The following NUDT9 variants were observed in gnomAD, a reference collection of about 807,000 sequenced individuals.
The protein encoded by NUDT9 is ADP-ribose pyrophosphatase.
A neutral mutation model predicts 41.0 loss-of-function variants in NUDT9; 31 were observed. That is an observed-to-expected ratio of 0.76 (90% CI 0.57 to 1.02). The LOEUF (loss-of-function observed/expected upper bound fraction) is 1.02, where lower values mean the gene tolerates loss of function less well. Ranked by LOEUF, NUDT9 falls within the 50% of genes least tolerant of loss-of-function variation. The pLI is 0.00. For missense variants in NUDT9, 380 were observed against 431.4 expected (o/e 0.88, Z 1.06); for synonymous variants, 146 against 147.6 (o/e 0.99, Z 0.08).
At chr4:87,442,095 C>T (rs1238953470) in intron 4 of NUDT9, among the ~76,000 whole-genome samples, 180 bp downstream of exon 4, 4 of 152,054 alleles carry the variant, frequency 2.6e-5, no homozygotes, top group Admixed American at 2.0e-4. Context: ...CTGAGAAATG[C>T]ATTATTAGGT....
intron 7 of NUDT9, among the ~76,000 whole-genome samples, chr4:87,456,215 T>C (rs1340893586): frequency 2.0e-5 from 3 of 152,128 alleles, no homozygotes; most frequent in African/African-American, 4.8e-5. Flanking sequence ...TTGATAGATA[T>C]GGTGGTAAAT....
chr4:87,447,739 A>G (rs964510092), intron 4 of NUDT9, among the ~76,000 whole-genome samples: 1 of 152,226 alleles, frequency 6.6e-6, no homozygotes, highest in Non-Finnish European at 1.5e-5. Flanking sequence ...ATCAGAGGGC[A>G]TAAAGATTGA....
In NUDT9 at chr4:87,441,927, T is replaced by TA; in HGVS notation, c.530+17dup. On this transcript the variant is annotated intron_variant, in intron 4 of 7. Transcript: ENST00000302174. ...CCCATTATAACCAGGTAAGAACCAA[T>TA]AAAAAGCATATCAGTAGCAAAGAGC... 6.3e-7 allele frequency: 1 copy of TA among 1,576,964 alleles called. No individual in the cohort carries two copies. Among genetic ancestry groups the TA allele is most frequent in the Non-Finnish European group, 8.6e-7 (1 of 1,162,294 alleles).
chr4:87,422,932 T>A lies in NUDT9; in HGVS notation c.27T>A (p.Ala9=). The stretch of plus-strand genomic sequence containing the variant: ...TGGCGGGACGCCTCCTGGGAAAGGC[T>A]TTAGCCGCGGTGTCTCTCTCTCTGG... The part of the protein sequence containing the change: MAGRLLGK[A]LAAVSLSLAL... The change falls in exon 1 of 8, where the codon GCT becomes GCA. Residue 9 remains alanine (A), a synonymous_variant. Transcript: ENST00000302174. 1 of 1,612,256 alleles carries A rather than the reference T, an allele frequency of 6.2e-7. No individual in the cohort carries two copies.
In NUDT9 at chr4:87,449,372, T is replaced by G. The variant is rs956594060; in HGVS notation, c.642+119T>G. 12 of 629,592 alleles carry G rather than the reference T, an allele frequency of 1.9e-5. No homozygotes were observed. In the African/African-American group the frequency reaches 2.0e-4, roughly 11 times the overall value. The allele number at this position is 629,592 out of a possible 1,614,324, so 39.0% of individuals were successfully genotyped here. A position where few individuals can be genotyped will look rare whatever the true frequency, so the allele number is the denominator to read the frequency against. The stretch of plus-strand genomic sequence containing the variant: ...CTCTATTCCTTCCCACTTCATTTAG[T>G]AATTCTTATGTTTTTCATCCCTGCA... On this transcript the variant is annotated intron_variant, in intron 5 of 7. Transcript: ENST00000302174.
chr4:87,451,646 G>T lies in NUDT9; in HGVS notation c.700G>T (p.Glu234Ter). The change falls in exon 6 of 8, where the codon GAA becomes TAA. Residue 234 changes from glutamate (E) to a stop codon, truncating the protein, a stop_gained. Coordinates refer to ENST00000302174, the MANE Select transcript of NUDT9 (RefSeq NM_024047.5). LOFTEE classifies it high-confidence loss of function. ...CACACTGAAAAGAGAATTTGGTGAG[G>T]AAGCTCTCAACTCCTTACAGAAAAC... ...SATLKREFGE[E>*]ALNSLQKTSA... is the part of the protein sequence containing the mutation. 1 of 1,613,708 alleles carries T rather than the reference G, an allele frequency of 6.2e-7. No individual in the cohort carries two copies. Among genetic ancestry groups the T allele is most frequent in the Non-Finnish European group, 8.5e-7 (1 of 1,179,668 alleles).
intron 1 of NUDT9, among the ~76,000 whole-genome samples, chr4:87,424,931 T>G (rs539228762): frequency 1.3e-5 from 2 of 152,314 alleles, no homozygotes; most frequent in South Asian, 4.1e-4. Context: ...TTAACAAATG[T>G]GCCAAGTACC....
intron 6 of NUDT9, among the ~76,000 whole-genome samples, chr4:87,453,530 T>C (rs1203894968): frequency 1.3e-5 from 2 of 150,754 alleles, no homozygotes; most frequent in South Asian, 2.1e-4. Context: ...CACGGGTTCA[T>C]GCGATTCTCC....
In NUDT9 at chr4:87,423,025, C is replaced by G. The variant is rs1166937100; in HGVS notation, c.107+13C>G. On this transcript the variant is annotated intron_variant, in intron 1 of 7. Coordinates refer to ENST00000302174, the MANE Select transcript of NUDT9 (RefSeq NM_024047.5). ...TCCAGGCGTTCAGGTATTCCACCCT[C>G]CTACTACCGGCTCCTTTGCCCTAGA... The G allele has an allele frequency of 6.2e-7, 1 of 1,602,804 alleles. No individual in the cohort carries two copies. The highest frequency in any genetic ancestry group is 8.5e-7 in the Non-Finnish European group (1 of 1,172,106).
At chr4:87,444,278 G>T (rs1722349010) in intron 4 of NUDT9, among the ~76,000 whole-genome samples, 1 of 151,934 alleles carries the variant, frequency 6.6e-6, no homozygotes, top group Admixed American at 6.6e-5. Context: ...ATAATAATTT[G>T]ATAGTTTAAC....
intron 4 of NUDT9, among the ~76,000 whole-genome samples, chr4:87,448,518 G>C (rs1423160002): frequency 6.6e-6 from 1 of 151,440 alleles, no homozygotes; most frequent in East Asian, 1.9e-4. Context: ...CCCTCTCTCT[G>C]TCGCCCAAGC....
intron 4 of NUDT9, among the ~76,000 whole-genome samples, chr4:87,443,224 A>G (rs1368507445): frequency 6.6e-6 from 1 of 151,926 alleles, no homozygotes; most frequent in Non-Finnish European, 1.5e-5. Context: ...TTATTGACCA[A>G]AACATCATTA....
chr4:87,455,143 C>T (rs1278937074), intron 7 of NUDT9, among the ~76,000 whole-genome samples: 1 of 152,074 alleles, frequency 6.6e-6, no homozygotes, highest in Non-Finnish European at 1.5e-5. Flanking sequence ...ATGAATGTTC[C>T]ACTCATAGTT....
chr4:87,444,330 C>T (rs1315095486), intron 4 of NUDT9, among the ~76,000 whole-genome samples: 1 of 151,934 alleles, frequency 6.6e-6, no homozygotes, highest in Non-Finnish European at 1.5e-5. Flanking sequence ...GGAAGAGGCA[C>T]CCATTCTCAC....
chr4:87,446,912 C>T (rs1342754013), intron 4 of NUDT9, among the ~76,000 whole-genome samples: 1 of 152,124 alleles, frequency 6.6e-6, no homozygotes, highest in Non-Finnish European at 1.5e-5. Flanking sequence ...TAGTAGCCTC[C>T]CAGCTGATCT....
chr4:87,435,352 C>A, intron 2 of NUDT9, 132 bp downstream of exon 2: 1 of 1,057,598 alleles, frequency 9.5e-7, no homozygotes, highest in Non-Finnish European at 1.3e-6. Flanking sequence ...TCAGTTTCCA[C>A]ATTTGCTTGA....
chr4:87,445,213 G>A (rs1407546600), intron 4 of NUDT9: 3 of 152,140 alleles, frequency 2.0e-5, no homozygotes, highest in Non-Finnish European at 2.9e-5. Context: ...TTGCCTAAAT[G>A]TTGTAGATCT....
chr4:87,457,235 A>AT (rs1723027407), intron 7 of NUDT9, among the ~76,000 whole-genome samples: 1 of 137,510 alleles, frequency 7.3e-6, no homozygotes, highest in East Asian at 2.1e-4. Context: ...TGATAATTTA[A>AT]ATTTTTTTTT....
chr4:87,431,074 C>G (rs545015043), intron 1 of NUDT9, among the ~76,000 whole-genome samples: 2 of 152,162 alleles, frequency 1.3e-5, no homozygotes, highest in African/African-American at 2.4e-5. Flanking sequence ...CATTTTAGGT[C>G]TTATGTTTAG....
Sources: gnomAD v4.1 joint callset for allele counts (sites outside exome capture counted in the v4.1 genomes callset) on GRCh38, gnomAD v4.1.1 for gene constraint, MANE v1.5 for transcripts, NCBI Gene and HGNC (gene_info 2026-07-23, HGNC 2026-07-21) for gene names.